Variants in QTMAN observed in about 807,000 individuals in gnomAD.
QTMAN encodes the protein tRNA-queuosine alpha-mannosyltransferase.
the QTMAN span, among the ~76,000 whole-genome samples, chr2:144,016,266 G>A: frequency 6.6e-6 from 1 of 152,112 alleles, no homozygotes; most frequent in Non-Finnish European, 1.5e-5. Context: ...ACTAAACTGT[G>A]TTTACTAAAG....
chr2:144,126,648 T>C, the QTMAN span, among the ~76,000 whole-genome samples: 1 of 151,952 alleles, frequency 6.6e-6, no homozygotes, highest in Non-Finnish European at 1.5e-5. Context: ...CAAAACAACA[T>C]TGAATAAAAT....
chr2:144,203,946 T>G, the QTMAN span, among the ~76,000 whole-genome samples: 1 of 152,000 alleles, frequency 6.6e-6, no homozygotes, highest in Admixed American at 6.6e-5. Context: ...TAGCCATATG[T>G]AGAAAGCTGA....
At chr2:144,213,681 T>C in the QTMAN span, among the ~76,000 whole-genome samples, 5 of 152,224 alleles carry the variant, frequency 3.3e-5, no homozygotes, top group Non-Finnish European at 5.9e-5. Flanking sequence ...AATCCACATA[T>C]GGCTTGATAC....
chr2:144,220,856 T>C, the QTMAN span, among the ~76,000 whole-genome samples: 1,275 of 152,318 alleles, frequency 8.4e-3, 9 homozygotes, highest in Middle Eastern at 0.024. Flanking sequence ...TTGATCTTGA[T>C]AGAATTGAAG....
chr2:144,302,168 A>G, the QTMAN span, among the ~76,000 whole-genome samples: 23 of 152,154 alleles, frequency 1.5e-4, no homozygotes, highest in East Asian at 1.9e-4. Context: ...TCTGTCTACC[A>G]AAGTCATTGA....
the QTMAN span, among the ~76,000 whole-genome samples, chr2:144,096,314 T>C: frequency 6.6e-6 from 1 of 152,220 alleles, no homozygotes; most frequent in African/African-American, 2.4e-5. Context: ...AGATCAATAG[T>C]GAAGATATCC....
At chr2:144,320,744 T>G in the QTMAN span, among the ~76,000 whole-genome samples, 3 of 152,202 alleles carry the variant, frequency 2.0e-5, no homozygotes, top group African/African-American at 7.2e-5. Context: ...CACGGCATTC[T>G]TTGAACTATG....
the QTMAN span, among the ~76,000 whole-genome samples, chr2:144,029,088 T>C: frequency 1.3e-5 from 2 of 152,196 alleles, no homozygotes; most frequent in African/African-American, 4.8e-5. Flanking sequence ...CCTTTTATTT[T>C]TCACTTATCA....
chr2:144,072,638 G>T, the QTMAN span, among the ~76,000 whole-genome samples: 1 of 152,168 alleles, frequency 6.6e-6, no homozygotes, highest in East Asian at 1.9e-4. Context: ...TTGAGAAAGG[G>T]GCCTGTCCTC....
At chr2:144,230,830 A>G in the QTMAN span, among the ~76,000 whole-genome samples, 1 of 152,170 alleles carries the variant, frequency 6.6e-6, no homozygotes, top group South Asian at 2.1e-4. Flanking sequence ...AAATATGAGA[A>G]GATTTAGGAC....
At chr2:144,160,069 A>G in the QTMAN span, among the ~76,000 whole-genome samples, 1 of 152,262 alleles carries the variant, frequency 6.6e-6, no homozygotes, top group African/African-American at 2.4e-5. Flanking sequence ...AATACAGACA[A>G]GTTGCAAAGA....
chr2:144,072,705 G>A, the QTMAN span, among the ~76,000 whole-genome samples: 1 of 152,158 alleles, frequency 6.6e-6, no homozygotes, highest in Admixed American at 6.5e-5. Flanking sequence ...CAGGCCAAAC[G>A]CCTTCACAAG....
the QTMAN span, chr2:144,178,210 T>G: frequency 3.3e-5 from 5 of 152,134 alleles, no homozygotes; most frequent in Non-Finnish European, 5.9e-5. Context: ...CTCTAAAATT[T>G]CCTAGTGGGT....
At chr2:144,065,163 C>T in the QTMAN span, among the ~76,000 whole-genome samples, 5 of 152,244 alleles carry the variant, frequency 3.3e-5, no homozygotes, top group South Asian at 1.0e-3. Context: ...TGCAGTGGCC[C>T]CCATTTTATG....
At chr2:144,178,925 A>T in the QTMAN span, 1 of 467,448 alleles carries the variant, frequency 2.1e-6, no homozygotes, top group Non-Finnish European at 4.4e-6. Flanking sequence ...TTCCATTCTC[A>T]TCTCTCCTGT....
At chr2:144,179,833 C>T in the QTMAN span, among the ~76,000 whole-genome samples, 1 of 152,168 alleles carries the variant, frequency 6.6e-6, no homozygotes, top group Admixed American at 6.6e-5. Flanking sequence ...GATAAAACTC[C>T]TAAGATGGAC....
chr2:144,175,381 A>G, the QTMAN span, among the ~76,000 whole-genome samples: 2 of 152,132 alleles, frequency 1.3e-5, no homozygotes, highest in Non-Finnish European at 1.5e-5. Flanking sequence ...TAGACACACA[A>G]AAGTCTGCCA....
the QTMAN span, among the ~76,000 whole-genome samples, chr2:144,118,372 A>G: frequency 2.0e-5 from 3 of 152,204 alleles, no homozygotes; most frequent in Admixed American, 6.5e-5. Context: ...TTAAAATTCA[A>G]CTATGAACTG....
At chr2:144,019,256 T>C in the QTMAN span, among the ~76,000 whole-genome samples, 9 of 152,138 alleles carry the variant, frequency 5.9e-5, no homozygotes, top group Middle Eastern at 3.2e-3. Context: ...CCTTTTCAAT[T>C]CCTACTAAAA....
Sources: gnomAD v4.1 joint callset for allele counts (sites outside exome capture counted in the v4.1 genomes callset) on GRCh38, gnomAD v4.1.1 for gene constraint, MANE v1.5 for transcripts, NCBI Gene and HGNC (gene_info 2026-07-23, HGNC 2026-07-21) for gene names.